CCNY: variants seen among roughly 807,000 people sequenced by gnomAD.
CCNY encodes cyclin-Y.
CCNY carries 19 observed loss-of-function variants against 42.8 expected under a neutral mutation model. The ratio of observed to expected loss-of-function variants is 0.44; its 90% CI spans 0.31 to 0.65. The LOEUF is 0.65. CCNY is among the 30% of genes least tolerant of loss of function. CCNY has a pLI of 0.07. For missense variants in CCNY, 370 were observed against 437.3 expected (o/e 0.85, Z 1.37); for synonymous variants, 165 against 162.7 (o/e 1.01, Z -0.11).
rs769949497 is a variant in CCNY, at chr10:35,569,175, G to T, written c.*5G>T. 6.4e-7 allele frequency: 1 copy of T among 1,551,352 alleles called. No homozygotes were observed. The highest frequency in any genetic ancestry group is 1.7e-5 in the Admixed American group (1 of 59,960). ...TCCCCAGCCATCATCTCTTAACTAC[G>T]GAGGCCCGCCGGAGGCCACACCATC... On this transcript the variant is annotated 3_prime_UTR_variant, in exon 10 of 10. Coordinates refer to ENST00000374704, the MANE Select transcript of CCNY (RefSeq NM_145012.6).
chr10:35,362,588 T>A (rs1047168020), intron 1 of CCNY, among the ~76,000 whole-genome samples: 15 of 151,392 alleles, frequency 9.9e-5, no homozygotes, highest in African/African-American at 3.4e-4. Flanking sequence ...GTTTTTTTTT[T>A]TAATTCTCCA....
intron 3 of CCNY, among the ~76,000 whole-genome samples, chr10:35,507,009 T>A (rs1840228545): frequency 6.6e-6 from 1 of 152,206 alleles, no homozygotes; most frequent in Non-Finnish European, 1.5e-5. Flanking sequence ...CAACCACTCC[T>A]GCTAGCTGGG....
At chr10:35,468,867 C>CAGTT (rs1839325629) in intron 1 of CCNY, among the ~76,000 whole-genome samples, 2 of 152,164 alleles carry the variant, frequency 1.3e-5, no homozygotes, top group African/African-American at 4.8e-5. Flanking sequence ...GGAGATTGGG[C>CAGTT]AGTTGCTCCC....
intron 1 of CCNY, among the ~76,000 whole-genome samples, chr10:35,443,286 C>T (rs1465293307): frequency 6.6e-6 from 1 of 152,152 alleles, no homozygotes; most frequent in African/African-American, 2.4e-5. Flanking sequence ...CTTGCTGTAA[C>T]ATTTTTACTT....
intron 7 of CCNY, among the ~76,000 whole-genome samples, chr10:35,538,877 T>C (rs1810913043): frequency 6.6e-6 from 1 of 152,238 alleles, no homozygotes; most frequent in Admixed American, 6.5e-5. Flanking sequence ...CATGATGATT[T>C]ACCCCTATAT....
intron 1 of CCNY, among the ~76,000 whole-genome samples, chr10:35,476,744 A>T (rs1398570532): frequency 2.0e-5 from 3 of 151,492 alleles, no homozygotes; most frequent in African/African-American, 7.3e-5. Flanking sequence ...GCAAGAGCAA[A>T]CACATTCAAA....
At chr10:35,266,664 CG>C (rs2095725868) in intron 3 of CCNY, among the ~76,000 whole-genome samples, 1 of 151,990 alleles carries the variant, frequency 6.6e-6, no homozygotes, top group African/African-American at 2.4e-5. Flanking sequence ...GTGGGTGATG[CG>C]GGGGGAATCG....
chr10:35,446,843 T>G (rs535595045), intron 1 of CCNY, among the ~76,000 whole-genome samples: 1 of 152,234 alleles, frequency 6.6e-6, no homozygotes, highest in Non-Finnish European at 1.5e-5. Flanking sequence ...AATTTGTCTC[T>G]TCATTCCTGA....
At position 35,329,916 on chromosome 10, in the gene CCNY, C is replaced by G. The variant is rs575299572; in HGVS notation, c.-9+79290C>G. On this transcript the variant is annotated intron_variant, in intron 3 of 11. Transcript: ENST00000374706. ...CTTCAGTAGGGTCTATTGAGCTGCT[C>G]CTGGGGGGCCCAGGGCTATTTTAAT... Among the ~76,000 whole-genome samples the G allele has an allele frequency of 4.6e-5, 7 of 152,270 alleles. No homozygotes were observed. The South Asian group carries it at 1.5e-3, about 32-fold the overall frequency.
At chr10:35,301,400 A>G (rs965997046) in intron 3 of CCNY, among the ~76,000 whole-genome samples, 2 of 152,178 alleles carry the variant, frequency 1.3e-5, no homozygotes, top group Non-Finnish European at 2.9e-5. Context: ...GAAATGTTTC[A>G]TAATAGAATT....
rs117244712 is a variant in CCNY, at chr10:35,433,060, G to C, written c.155-50344G>C. On this transcript the variant is annotated intron_variant, in intron 1 of 9. Coordinates refer to ENST00000374704, the MANE Select transcript of CCNY (RefSeq NM_145012.6). Reference sequence around the variant, plus strand: ...TTAACATCTCTTTAAGATACTGCCTGTAGGCTGGGCACGGTGGCTCATACC... The same window carrying C: ...TTAACATCTCTTTAAGATACTGCCTCTAGGCTGGGCACGGTGGCTCATACC... 6.4e-4 allele frequency among the ~76,000 whole-genome samples: 97 copies of C among 152,238 alleles called. 1 individual carries two copies. The East Asian group carries it at 0.015, about 23-fold the overall frequency.
At chr10:35,260,311 C>A (rs1195190732) in intron 3 of CCNY, among the ~76,000 whole-genome samples, 1 of 152,122 alleles carries the variant, frequency 6.6e-6, no homozygotes, top group Non-Finnish European at 1.5e-5. Flanking sequence ...AAGCACAGAC[C>A]AAATGCTGTA....
At chr10:35,517,368 GGCCTGTGGTCAGCA>G (rs1390889057) in intron 4 of CCNY, among the ~76,000 whole-genome samples, 1 of 152,038 alleles carries the variant, frequency 6.6e-6, no homozygotes, top group Non-Finnish European at 1.5e-5. Flanking sequence ...GATGTGCTTG[GGCCTGTGGTCAGCA>G]GCTCAGTTTT....
intron 3 of CCNY, among the ~76,000 whole-genome samples, chr10:35,502,909 AAGG>A (rs1456183303): frequency 2.0e-5 from 3 of 152,146 alleles, no homozygotes; most frequent in African/African-American, 4.8e-5. Context: ...CTTGCAAGGG[AAGG>A]AGAAGAGCTG....
intron 3 of CCNY, among the ~76,000 whole-genome samples, chr10:35,279,662 C>T (rs1232209375): frequency 6.6e-6 from 1 of 152,168 alleles, no homozygotes; most frequent in Non-Finnish European, 1.5e-5. Context: ...ATGGAGGCAC[C>T]TGGACTAGGA....
At chr10:35,543,109 A>G (rs1164079691) in intron 7 of CCNY, among the ~76,000 whole-genome samples, 3 of 152,226 alleles carry the variant, frequency 2.0e-5, no homozygotes, top group Non-Finnish European at 4.4e-5. Context: ...TGCTGTTCAT[A>G]ATCTTGTATA....
At chr10:35,475,948 G>A (rs1354958393) in intron 1 of CCNY, among the ~76,000 whole-genome samples, 4 of 152,048 alleles carry the variant, frequency 2.6e-5, no homozygotes, top group South Asian at 2.1e-4. Flanking sequence ...AGGAAGATCT[G>A]CCAAGCAAAT....
chr10:35,440,134 G>GAGT (rs1479212490), intron 1 of CCNY, among the ~76,000 whole-genome samples: 6 of 152,194 alleles, frequency 3.9e-5, no homozygotes, highest in Non-Finnish European at 7.3e-5. Flanking sequence ...GGCGCCTGTG[G>GAGT]AGTAGAGTGG....
intron 3 of CCNY, among the ~76,000 whole-genome samples, chr10:35,324,786 G>T (rs563824033): frequency 2.6e-5 from 4 of 152,146 alleles, no homozygotes; most frequent in Non-Finnish European, 4.4e-5. Context: ...TGGGTCTGAA[G>T]AATAAAAGAA....
Sources: allele counts gnomAD v4.1 joint callset (sites outside exome capture counted in the v4.1 genomes callset), GRCh38; gene constraint gnomAD v4.1.1; transcripts MANE v1.5; gene names NCBI Gene and HGNC (gene_info 2026-07-23, HGNC 2026-07-21).